ROBO2: variants seen among roughly 807,000 people sequenced by gnomAD.
ROBO2 encodes the protein roundabout homolog 2.
In ROBO2, 53 loss-of-function variants were observed where a neutral mutation model predicts 160.8. The observed-to-expected ratio is 0.33, with a 90% CI of 0.26 to 0.41. The LOEUF (loss-of-function observed/expected upper bound fraction) is 0.41, where lower values mean the gene tolerates loss of function less well. Ranked by LOEUF, ROBO2 falls within the 10% of genes least tolerant of loss-of-function variation. The pLI is 1.00. For missense variants in ROBO2, 1,577 were observed against 1,722.4 expected (o/e 0.92, Z 1.49); for synonymous variants, 664 against 611.7 (o/e 1.09, Z -1.26).
chr3:77,055,895 G>A (rs552848020), intron 1 of ROBO2, among the ~76,000 whole-genome samples: 27 of 152,246 alleles, frequency 1.8e-4, no homozygotes, highest in African/African-American at 5.8e-4. Flanking sequence ...GTCATAAAAC[G>A]TAACTTTTTA....
chr3:75,955,400 G>C (rs893266546), intron 2 of ROBO2, among the ~76,000 whole-genome samples: 5 of 151,492 alleles, frequency 3.3e-5, no homozygotes, highest in African/African-American at 1.2e-4. Context: ...GTTTAATGTC[G>C]ATATAACTTC....
intron 2 of ROBO2, among the ~76,000 whole-genome samples, chr3:76,629,718 T>A (rs1187023369): frequency 6.6e-6 from 1 of 152,176 alleles, no homozygotes. Flanking sequence ...TCCAATCAAA[T>A]TGACACTCAA....
chr3:76,619,157 G>A (rs2088848511), intron 2 of ROBO2, among the ~76,000 whole-genome samples: 1 of 151,566 alleles, frequency 6.6e-6, no homozygotes, highest in South Asian at 2.1e-4. Flanking sequence ...TGGCTAACAC[G>A]GTGAAACCCC....
chr3:76,727,191 T>G (rs537604378), intron 2 of ROBO2, among the ~76,000 whole-genome samples: 1 of 152,192 alleles, frequency 6.6e-6, no homozygotes, highest in African/African-American at 2.4e-5. Context: ...CTTTTCATGA[T>G]GTTTTGGCTG....
chr3:75,983,494 A>C (rs1313742441), intron 2 of ROBO2, among the ~76,000 whole-genome samples: 2 of 151,450 alleles, frequency 1.3e-5, no homozygotes, highest in African/African-American at 2.4e-5. Context: ...AGTAACAGAG[A>C]CTAACTGTAC....
At chr3:77,477,127 A>C (rs1670174601) in intron 2 of ROBO2, among the ~76,000 whole-genome samples, 1 of 152,116 alleles carries the variant, frequency 6.6e-6, no homozygotes, top group Non-Finnish European at 1.5e-5. Context: ...TTGCTTTTTT[A>C]ATTAATCGCA....
chr3:75,973,222 A>G (rs1362920197), intron 2 of ROBO2, among the ~76,000 whole-genome samples: 1 of 151,738 alleles, frequency 6.6e-6, no homozygotes, highest in Non-Finnish European at 1.5e-5. Flanking sequence ...ATGGATAACT[A>G]CAAATCTATT....
At chr3:76,297,249 T>C (rs912528922) in intron 2 of ROBO2, among the ~76,000 whole-genome samples, 6 of 152,170 alleles carry the variant, frequency 3.9e-5, no homozygotes, top group African/African-American at 1.4e-4. Context: ...TACTTTCAAG[T>C]CACTTTGCCT....
intron 2 of ROBO2, among the ~76,000 whole-genome samples, chr3:76,838,799 C>T (rs1042981534): frequency 2.0e-5 from 3 of 152,092 alleles, no homozygotes; most frequent in Non-Finnish European, 4.4e-5. Flanking sequence ...TGAATAGGCT[C>T]TTCAAACTCA....
At chr3:76,607,235 A>G (rs1248040444) in intron 2 of ROBO2, among the ~76,000 whole-genome samples, 1 of 151,856 alleles carries the variant, frequency 6.6e-6, no homozygotes, top group Admixed American at 6.6e-5. Flanking sequence ...CAGCCTCCTG[A>G]GTATCTGGGA....
intron 2 of ROBO2, among the ~76,000 whole-genome samples, chr3:75,960,557 A>G (rs1216085587): frequency 2.0e-5 from 3 of 151,742 alleles, no homozygotes; most frequent in South Asian, 4.1e-4. Context: ...AAAAGCTCAA[A>G]TTTTCTCGAC....
intron 13 of ROBO2, among the ~76,000 whole-genome samples, chr3:77,571,378 C>A (rs1211779286): frequency 2.6e-5 from 4 of 152,030 alleles, no homozygotes; most frequent in African/African-American, 9.7e-5. Context: ...TCTTTTTTAG[C>A]CTGTTGCTTC....
intron 2 of ROBO2, among the ~76,000 whole-genome samples, chr3:76,710,971 T>C (rs1390361080): frequency 6.6e-6 from 1 of 152,204 alleles, no homozygotes; most frequent in African/African-American, 2.4e-5. Flanking sequence ...GATATTGGGC[T>C]TTCAAAATTA....
At chr3:76,469,544 T>C (rs2078540442) in intron 2 of ROBO2, among the ~76,000 whole-genome samples, 2 of 152,096 alleles carry the variant, frequency 1.3e-5, no homozygotes, top group Non-Finnish European at 2.9e-5. Context: ...CCTTAACGCA[T>C]ACTGTCCCCC....
chr3:76,998,853 C>T (rs1039323285), intron 2 of ROBO2, among the ~76,000 whole-genome samples: 1 of 152,050 alleles, frequency 6.6e-6, no homozygotes, highest in Non-Finnish European at 1.5e-5. Flanking sequence ...AGGGTGTAAG[C>T]CTGATCATAG....
intron 2 of ROBO2, among the ~76,000 whole-genome samples, chr3:76,043,596 C>T (rs9837726): frequency 0.66 from 86,266 of 131,178 alleles, 29,278 homozygotes; most frequent in African/African-American, 0.86. Flanking sequence ...GCAGAGCTTA[C>T]ACCCTAACCA....
At chr3:76,448,759 T>C (rs922296960) in intron 2 of ROBO2, among the ~76,000 whole-genome samples, 1 of 152,198 alleles carries the variant, frequency 6.6e-6, no homozygotes, top group Non-Finnish European at 1.5e-5. Flanking sequence ...TTAATTCATC[T>C]ATTTCTCACA....
chr3:77,344,102 A>C (rs2067360328), intron 2 of ROBO2, among the ~76,000 whole-genome samples: 1 of 152,122 alleles, frequency 6.6e-6, no homozygotes, highest in Non-Finnish European at 1.5e-5. Context: ...TGACCTTGAT[A>C]TAGCAGGATG....
chr3:76,252,428 C>T (rs535371191), intron 2 of ROBO2, among the ~76,000 whole-genome samples: 1 of 152,148 alleles, frequency 6.6e-6, no homozygotes, highest in South Asian at 2.1e-4. Context: ...ACAGCCACCA[C>T]TGTTTATTAA....
Sources: allele counts gnomAD v4.1 joint callset (sites outside exome capture counted in the v4.1 genomes callset), GRCh38; gene constraint gnomAD v4.1.1; transcripts MANE v1.5; gene names NCBI Gene and HGNC (gene_info 2026-07-23, HGNC 2026-07-21).